IKBKB: variants seen among roughly 807,000 people sequenced by gnomAD.
IKBKB encodes inhibitor of nuclear factor kappa B kinase subunit beta.
Under a neutral mutation model 113.6 loss-of-function variants are expected in IKBKB, and 42 were observed. The ratio of observed to expected loss-of-function variants is 0.37; its 90% CI spans 0.29 to 0.48. IKBKB has a LOEUF of 0.48. Ranked by LOEUF, IKBKB falls within the 20% of genes least tolerant of loss-of-function variation. The pLI is 0.99. For missense variants in IKBKB, 673 were observed against 939.7 expected, an observed-to-expected ratio of 0.72 and a Z score of 3.71; for synonymous variants, 296 against 361.3, an observed-to-expected ratio of 0.82 and a Z score of 2.05.
chr8:42,278,182 G>C (rs1809572212), intron 2 of IKBKB, among the ~76,000 whole-genome samples: 1 of 152,142 alleles, frequency 6.6e-6, no homozygotes, highest in East Asian at 1.9e-4. Context: ...TCCAGGCCAA[G>C]GGAGAGGCTC....
chr8:42,320,723 C>T lies in IKBKB; in HGVS notation c.1579-12C>T, dbSNP rs1312387873. 6.2e-7 allele frequency: 1 copy of T among 1,607,152 alleles called. No homozygotes were observed. The highest frequency in any genetic ancestry group is 1.1e-5 in the South Asian group (1 of 90,924). On this transcript the variant is annotated splice_polypyrimidine_tract_variant and intron_variant, in intron 15 of 21. Coordinates refer to ENST00000520810, the MANE Select transcript of IKBKB (RefSeq NM_001556.3). Reference sequence around the variant, plus strand: ...ACCACATCAGTTGACATTAGCACAGCTTTTCCATTAGGAGAACGAAGTGAA... The same window carrying T: ...ACCACATCAGTTGACATTAGCACAGTTTTTCCATTAGGAGAACGAAGTGAA...
chr8:42,300,713 G>C (rs1256807187), intron 5 of IKBKB, among the ~76,000 whole-genome samples: 1 of 152,214 alleles, frequency 6.6e-6, no homozygotes, highest in African/African-American at 2.4e-5. Context: ...CCGGGGCACG[G>C]CTTCTGAGGA....
chr8:42,318,724 G>T (rs200536160), intron 13 of IKBKB, 49 bp downstream of exon 13: 12 of 1,533,038 alleles, frequency 7.8e-6, no homozygotes, highest in Non-Finnish European at 1.1e-5. Context: ...AAAATTCCTT[G>T]GTGGCTTTGG....
intron 5 of IKBKB, among the ~76,000 whole-genome samples, chr8:42,297,140 G>A (rs1335689461): frequency 6.6e-6 from 1 of 152,206 alleles, no homozygotes; most frequent in East Asian, 1.9e-4. Context: ...CCTTTTGGGT[G>A]CAGTGCAGCC....
At chr8:42,305,778 G>A (rs534206751) in intron 6 of IKBKB, among the ~76,000 whole-genome samples, 1 of 152,358 alleles carries the variant, frequency 6.6e-6, no homozygotes, top group South Asian at 2.1e-4. Flanking sequence ...TGCCCCACAA[G>A]CTTGACATTG....
Position 42,271,386 on chromosome 8 carries a change from T to G in IKBKB, c.-102T>G, listed in dbSNP as rs575854216. 1.3e-6 allele frequency: 2 copies of G among 1,509,618 alleles called. No individual in the cohort carries two copies. The highest frequency in any genetic ancestry group is 2.0e-5 in the Admixed American group (1 of 50,740). 93.5% of individuals were successfully genotyped at this position (1,509,618 alleles called of 1,614,324 possible). On this transcript the variant is annotated 5_prime_UTR_variant, in exon 1 of 22. Coordinates refer to ENST00000520810, the MANE Select transcript of IKBKB (RefSeq NM_001556.3). ...CCGCATTTTAATGTTTTCAGGGGGG[T>G]GTCATAGCCCCGGGTTTGGCCGCCC...
At chr8:42,320,267 T>C (rs1819510982) in intron 15 of IKBKB, 1 of 166,594 alleles carries the variant, frequency 6.0e-6, no homozygotes. Flanking sequence ...GTGTGTTTAA[T>C]GGTGAATATT....
At chr8:42,280,047 T>A (rs1442578458) in intron 2 of IKBKB, among the ~76,000 whole-genome samples, 1 of 152,110 alleles carries the variant, frequency 6.6e-6, no homozygotes, top group Non-Finnish European at 1.5e-5. Flanking sequence ...GAGGTCTTTC[T>A]ATGTTGCCCA....
chr8:42,323,691 G>A (rs952965044), intron 19 of IKBKB, among the ~76,000 whole-genome samples: 1 of 152,156 alleles, frequency 6.6e-6, no homozygotes, highest in Non-Finnish European at 1.5e-5. Flanking sequence ...GGCTGGGGTC[G>A]CATGCCAGAG....
chr8:42,285,689 C>A (rs1028690810), intron 2 of IKBKB, among the ~76,000 whole-genome samples: 1 of 152,204 alleles, frequency 6.6e-6, no homozygotes, highest in Non-Finnish European at 1.5e-5. Context: ...TAGGGCAGAA[C>A]CTGGATGCCC....
At chr8:42,284,597 A>C (rs973890804) in intron 2 of IKBKB, among the ~76,000 whole-genome samples, 1 of 151,756 alleles carries the variant, frequency 6.6e-6, no homozygotes, top group Non-Finnish European at 1.5e-5. Flanking sequence ...AAAAAAAAAA[A>C]TACCGAGGTG....
intron 5 of IKBKB, chr8:42,298,381 C>T (rs1814366999): frequency 2.7e-5 from 27 of 985,290 alleles, no homozygotes; most frequent in South Asian, 4.7e-5. Flanking sequence ...GCTTCCTTCT[C>T]GAGCTGCTCC....
At chr8:42,325,816 AGTTG>A (rs1820629110) in intron 19 of IKBKB, 150 bp from the exon 20 acceptor site, 2 of 1,484,216 alleles carry the variant, frequency 1.3e-6, no homozygotes, top group Non-Finnish European at 1.8e-6. Flanking sequence ...GTGAAGCACC[AGTTG>A]ACCCGCAGGT....
intron 3 of IKBKB, 118 bp downstream of exon 3, chr8:42,288,846 G>T (rs576966472): frequency 3.3e-5 from 22 of 664,084 alleles, no homozygotes; most frequent in Admixed American, 2.8e-4. Flanking sequence ...CACTTTGGAA[G>T]GCCAAGGCGG....
intron 3 of IKBKB, among the ~76,000 whole-genome samples, chr8:42,289,758 C>T (rs1585599513): frequency 6.6e-6 from 1 of 152,146 alleles, no homozygotes; most frequent in African/African-American, 2.4e-5. Context: ...GAAAATTAAA[C>T]AGACAAAAGA....
rs75222572 is a variant in IKBKB, at chr8:42,280,180, T to G, written c.105+7975T>G. Among the ~76,000 whole-genome samples the G allele has an allele frequency of 3.7e-3, 563 of 152,244 alleles. 7 individuals carry two copies. Among genetic ancestry groups the G allele is most frequent in the African/African-American group, 0.012 (517 of 41,548 alleles). ...ACTTCTTTGGAGGACAAAACACTTATAAGTCTTCCTTGTTAGACAGAGAAC... is the reference window on the plus strand; with the variant it reads ...ACTTCTTTGGAGGACAAAACACTTAGAAGTCTTCCTTGTTAGACAGAGAAC... On this transcript the variant is annotated intron_variant, in intron 2 of 21. Transcript: ENST00000520810.
chr8:42,326,129 C>T, intron 20 of IKBKB, 32 bp downstream of exon 20: 1 of 1,613,056 alleles, frequency 6.2e-7, no homozygotes. Flanking sequence ...CAAGTGTGAC[C>T]ATCAAGGGCA....
chr8:42,300,549 C>T (rs1018511724), intron 5 of IKBKB, among the ~76,000 whole-genome samples: 1 of 152,094 alleles, frequency 6.6e-6, no homozygotes, highest in Non-Finnish European at 1.5e-5. Context: ...TTATCTGTTC[C>T]CCAGTTTGTG....
Position 42,322,510 on chromosome 8 carries a change from G to T in IKBKB, c.1986+16G>T. 2 of 1,613,344 alleles carry T rather than the reference G, an allele frequency of 1.2e-6. No homozygotes were observed. Among genetic ancestry groups the T allele is most frequent in the Non-Finnish European group, 1.7e-6 (2 of 1,179,880 alleles). On this transcript the variant is annotated intron_variant, in intron 19 of 21. Transcript: ENST00000520810. ...GATTGCTTGTGTGAGTGAGTGCTGT[G>T]GTCCCGGGCCCTTGGCCTAGCAGCC...
Sources: gnomAD v4.1 joint callset for allele counts (sites outside exome capture counted in the v4.1 genomes callset) on GRCh38, gnomAD v4.1.1 for gene constraint, MANE v1.5 for transcripts, NCBI Gene and HGNC (gene_info 2026-07-23, HGNC 2026-07-21) for gene names.